VPS13B: variants seen among roughly 807,000 people sequenced by gnomAD.
VPS13B encodes the protein intermembrane lipid transfer protein VPS13B.
VPS13B carries 285 observed loss-of-function variants against 426.4 expected under a neutral mutation model. That is an observed-to-expected ratio of 0.67 (90% confidence interval 0.61 to 0.74). The LOEUF is 0.74. Among genes scored for constraint, VPS13B ranks in the 30% least tolerant of loss-of-function variants. The pLI is 0.00. For synonymous variants in VPS13B, 1,676 were observed against 1,676.4 expected (o/e 1.00, Z 0.01); for missense variants, 4,537 against 4,782.6 (o/e 0.95, Z 1.51).
intron 2 of VPS13B, among the ~76,000 whole-genome samples, chr8:99,029,355 C>G (rs1472450848): frequency 3.3e-5 from 5 of 151,946 alleles, no homozygotes; most frequent in African/African-American, 1.2e-4. Flanking sequence ...CAGAGACGCT[C>G]CTCACTTCCC....
intron 21 of VPS13B, among the ~76,000 whole-genome samples, chr8:99,428,598 C>A (rs1038984212): frequency 1.3e-5 from 2 of 152,136 alleles, no homozygotes; most frequent in Non-Finnish European, 2.9e-5. Context: ...CATCTCACAC[C>A]AGTTAGAATG....
chr8:99,121,106 AG>A, intron 7 of VPS13B, 70 bp from the exon 8 acceptor site: 1 of 1,466,606 alleles, frequency 6.8e-7, no homozygotes, highest in Non-Finnish European at 9.2e-7. Flanking sequence ...AAAATTTTAA[AG>A]GATGTCTATT....
intron 19 of VPS13B, among the ~76,000 whole-genome samples, chr8:99,378,549 G>C (rs1176139365): frequency 6.6e-6 from 1 of 152,074 alleles, no homozygotes; most frequent in African/African-American, 2.4e-5. Flanking sequence ...TTCAGAGATT[G>C]CAGTAAAGAC....
chr8:99,271,444 G>A (rs948784704), intron 17 of VPS13B, among the ~76,000 whole-genome samples: 1 of 152,092 alleles, frequency 6.6e-6, no homozygotes, highest in African/African-American at 2.4e-5. Flanking sequence ...CTTCTCAGAG[G>A]ATAATGGATA....
chr8:99,254,554 T>C (rs964632884), intron 17 of VPS13B, among the ~76,000 whole-genome samples: 1 of 151,830 alleles, frequency 6.6e-6, no homozygotes. Flanking sequence ...TCTTAATGTT[T>C]AGATTTTGTC....
At chr8:99,163,771 C>T (rs922340143) in intron 15 of VPS13B, among the ~76,000 whole-genome samples, 9 of 141,422 alleles carry the variant, frequency 6.4e-5, no homozygotes, top group African/African-American at 2.1e-4. Context: ...GGTTCCCGCT[C>T]GCGCCTCTCC....
intron 33 of VPS13B, among the ~76,000 whole-genome samples, chr8:99,595,156 AT>A (rs1166511555): frequency 6.6e-6 from 1 of 151,880 alleles, no homozygotes; most frequent in Non-Finnish European, 1.5e-5. Context: ...AGTGCCCTAT[AT>A]TTTTTTGAAC....
At chr8:99,639,384 A>T (rs1829209229) in intron 33 of VPS13B, among the ~76,000 whole-genome samples, 1 of 152,148 alleles carries the variant, frequency 6.6e-6, no homozygotes, top group Admixed American at 6.6e-5. Flanking sequence ...CATCGGCTAC[A>T]GCAAGCTCAG....
chr8:99,231,754 G>C lies in VPS13B; in HGVS notation c.2515+38697G>C, dbSNP rs139223268. On this transcript the variant is annotated intron_variant, in intron 17 of 61. Transcript: ENST00000357162. Reference sequence around the variant, plus strand: ...AAAAACACCTGAGGTAGCTTTTTCTGTGTGTTTTTCTCATTTATAAAATCG... The same window carrying C: ...AAAAACACCTGAGGTAGCTTTTTCTCTGTGTTTTTCTCATTTATAAAATCG... 4.8e-3 allele frequency among the ~76,000 whole-genome samples: 728 copies of C among 152,286 alleles called. 3 individuals are homozygous for C. The highest frequency in any genetic ancestry group is 8.5e-3 in the Non-Finnish European group (580 of 68,018).
intron 19 of VPS13B, among the ~76,000 whole-genome samples, chr8:99,308,425 CG>C (rs1820758016): frequency 6.6e-6 from 1 of 151,922 alleles, no homozygotes; most frequent in African/African-American, 2.4e-5. Flanking sequence ...TGAGAACATG[CG>C]GTGTTTGGTT....
At chr8:99,767,395 TC>T in intron 40 of VPS13B, among the ~76,000 whole-genome samples, 1 of 150,486 alleles carries the variant, frequency 6.6e-6, no homozygotes, top group South Asian at 2.1e-4. Context: ...TTGAATTGTC[TC>T]CTTCTAAAAG....
chr8:99,048,446 G>A (rs1843344585), intron 3 of VPS13B, among the ~76,000 whole-genome samples: 1 of 152,174 alleles, frequency 6.6e-6, no homozygotes, highest in African/African-American at 2.4e-5. Context: ...TGTCAGTGGA[G>A]TATTGAAGTC....
chr8:99,140,368 C>CAAAAAAAAAAAAAAAAAAAAAAAAAAAA, intron 12 of VPS13B, among the ~76,000 whole-genome samples: 1 of 74,680 alleles, frequency 1.3e-5, no homozygotes, highest in Non-Finnish European at 2.8e-5. Context: ...AGCTCTGTCT[C>CAAAAAAAAAAAAAAAAAAAAAAAAAAAA]AAAAAAAAAA....
At chr8:99,838,563 A>G (rs1247761883) in intron 54 of VPS13B, among the ~76,000 whole-genome samples, 2 of 152,358 alleles carry the variant, frequency 1.3e-5, no homozygotes, top group East Asian at 1.9e-4. Flanking sequence ...AGTTTCTAAC[A>G]TATGCCAGAC....
intron 30 of VPS13B, among the ~76,000 whole-genome samples, chr8:99,527,139 C>T (rs967381087): frequency 2.6e-5 from 4 of 151,332 alleles, no homozygotes; most frequent in Non-Finnish European, 5.9e-5. Context: ...CTCAGTCTTT[C>T]CCACTCTGTA....
chr8:99,163,657 T>C (rs1350400367), intron 15 of VPS13B, among the ~76,000 whole-genome samples: 1 of 152,202 alleles, frequency 6.6e-6, no homozygotes, highest in Non-Finnish European at 1.5e-5. Flanking sequence ...AAGTCCCTCA[T>C]TGCCCGGGGC....
chr8:99,369,060 G>A (rs1441149694), intron 19 of VPS13B, among the ~76,000 whole-genome samples: 1 of 152,078 alleles, frequency 6.6e-6, no homozygotes, highest in Non-Finnish European at 1.5e-5. Flanking sequence ...TTTGTACTGT[G>A]TCCCTTTTCC....
chr8:99,256,931 G>A (rs1817773236), intron 17 of VPS13B, among the ~76,000 whole-genome samples: 1 of 151,986 alleles, frequency 6.6e-6, no homozygotes, highest in African/African-American at 2.4e-5. Flanking sequence ...TCACTAGATT[G>A]TGAATTTCAT....
chr8:99,482,342 G>C (rs887864510), intron 25 of VPS13B, among the ~76,000 whole-genome samples: 3 of 151,610 alleles, frequency 2.0e-5, no homozygotes, highest in Admixed American at 6.6e-5. Flanking sequence ...TTACTATCCT[G>C]ATATGAAAAT....
Sources: allele counts gnomAD v4.1 joint callset (sites outside exome capture counted in the v4.1 genomes callset), GRCh38; gene constraint gnomAD v4.1.1; transcripts MANE v1.5; gene names NCBI Gene and HGNC (gene_info 2026-07-23, HGNC 2026-07-21).